USP32: variants seen among roughly 807,000 people sequenced by gnomAD.
USP32 encodes ubiquitin carboxyl-terminal hydrolase 32.
USP32 carries 59 observed loss-of-function variants against 204.8 expected under a neutral mutation model. The observed-to-expected ratio is 0.29, with a 90% CI of 0.23 to 0.36. The LOEUF is 0.36. USP32 is among the 10% of genes least tolerant of loss of function. USP32 has a pLI of 1.00. For missense variants in USP32, 1,160 were observed against 1,946.4 expected, an observed-to-expected ratio of 0.60 and a Z score of 7.60; for synonymous variants, 517 against 678.4, an observed-to-expected ratio of 0.76 and a Z score of 3.70.
intron 29 of USP32, among the ~76,000 whole-genome samples, chr17:60,187,881 T>C (rs1321635914): frequency 6.6e-6 from 1 of 152,230 alleles, no homozygotes; most frequent in African/African-American, 2.4e-5. Context: ...AGCTCATCTT[T>C]AACACAAAAC....
At chr17:60,399,730 A>G (rs1173670206) in intron 1 of USP32, among the ~76,000 whole-genome samples, 4 of 152,150 alleles carry the variant, frequency 2.6e-5, no homozygotes, top group Admixed American at 6.6e-5. Flanking sequence ...AGAAGCAAAA[A>G]GGGTGATATT....
At chr17:60,393,037 T>A (rs2089867185), upstream of USP32, among the ~76,000 whole-genome samples, 1 of 152,198 alleles carries the variant, frequency 6.6e-6, no homozygotes, top group African/African-American at 2.4e-5. Context: ...ACATTGATAT[T>A]GTTTTGCATC....
intron 5 of USP32, among the ~76,000 whole-genome samples, chr17:60,278,645 C>T (rs894431637): frequency 3.3e-5 from 5 of 151,658 alleles, no homozygotes; most frequent in African/African-American, 1.2e-4. Flanking sequence ...TACCATGGAC[C>T]CAAGATAAAA....
chr17:60,405,250 T>G (rs999219576), intron 1 of USP32, among the ~76,000 whole-genome samples: 1 of 152,172 alleles, frequency 6.6e-6, no homozygotes, highest in Non-Finnish European at 1.5e-5. Context: ...TCACCCAGGC[T>G]GGAGTGCAGT....
chr17:60,305,344 G>A (rs987511613), intron 2 of USP32: 1 of 152,128 alleles, frequency 6.6e-6, no homozygotes, highest in Non-Finnish European at 1.5e-5. Flanking sequence ...GGAAGTACCA[G>A]GCTCCTTTAA....
At chr17:60,390,174 C>T (rs996734441) in intron 1 of USP32, among the ~76,000 whole-genome samples, 3 of 152,158 alleles carry the variant, frequency 2.0e-5, no homozygotes, top group Non-Finnish European at 2.9e-5. Flanking sequence ...ATGCAATTAA[C>T]TTCATTTGTA....
Position 60,306,578 on chromosome 17 carries a change from C to T in USP32, c.187-4874G>A, listed in dbSNP as rs981830446. Among the ~76,000 whole-genome samples the T allele has an allele frequency of 2.0e-5, 3 of 151,728 alleles. No homozygotes were observed. The South Asian group carries it at 6.2e-4, about 32-fold the overall frequency. Reference sequence around the variant, plus strand: ...ACTTGAACCCGGAAGGCAGAGGTTACAATGAGCCAAGATTGCACCACTGCA... The same window carrying T: ...ACTTGAACCCGGAAGGCAGAGGTTATAATGAGCCAAGATTGCACCACTGCA... On this transcript the variant is annotated intron_variant, in intron 2 of 33. Coordinates refer to ENST00000300896, the MANE Select transcript of USP32 (RefSeq NM_032582.4).
Position 60,336,454 on chromosome 17 carries a change from G to A in USP32, c.186+9027C>T, listed in dbSNP as rs565293774. ...GAATTGGCCGGGCGCGGTGGCTCACGCCTGTAATCCCAGCACTTTGGGAGG... is the reference window on the plus strand; with the variant it reads ...GAATTGGCCGGGCGCGGTGGCTCACACCTGTAATCCCAGCACTTTGGGAGG... On this transcript the variant is annotated intron_variant, in intron 2 of 33. Transcript: ENST00000300896. Among the ~76,000 whole-genome samples the A allele has an allele frequency of 6.0e-4, 85 of 142,716 alleles. 10 individuals carry two copies. Among genetic ancestry groups the A allele is most frequent in the Admixed American group, 5.7e-3 (84 of 14,708 alleles). 93.6% of individuals were successfully genotyped at this position (142,716 alleles called of 152,430 possible). A position where few individuals can be genotyped will look rare whatever the true frequency, so the allele number is the denominator to read the frequency against.
At chr17:60,299,926 G>A (rs974500654) in intron 3 of USP32, among the ~76,000 whole-genome samples, 19 of 151,974 alleles carry the variant, frequency 1.3e-4, no homozygotes, top group Admixed American at 6.6e-5. Flanking sequence ...GGTCTCTCTG[G>A]GGCCTCTTTT....
chr17:60,405,116 G>A (rs113881007), intron 1 of USP32, among the ~76,000 whole-genome samples: 337 of 152,278 alleles, frequency 2.2e-3, no homozygotes, highest in African/African-American at 6.7e-3. Flanking sequence ...AGTGACCCAC[G>A]ATCATGCCAC....
intron 8 of USP32, 69 bp from the exon 9 acceptor site, chr17:60,265,543 T>TTA: frequency 9.8e-7 from 1 of 1,023,128 alleles, no homozygotes; most frequent in Non-Finnish European, 1.5e-6. Flanking sequence ...ATTCAATGGC[T>TTA]AAAGTATATT....
At chr17:60,374,403 T>TG (rs1374422911) in intron 1 of USP32, among the ~76,000 whole-genome samples, 1 of 151,752 alleles carries the variant, frequency 6.6e-6, no homozygotes, top group Admixed American at 6.6e-5. Context: ...AGTTTTGTTT[T>TG]TTTTTTTTTG....
intron 4 of USP32, among the ~76,000 whole-genome samples, chr17:60,291,539 G>GTGTA: frequency 1.3e-5 from 1 of 78,144 alleles, no homozygotes; most frequent in Non-Finnish European, 2.3e-5. Flanking sequence ...GTGTGTGTAT[G>GTGTA]TGTGTGTGTG....
intron 2 of USP32, among the ~76,000 whole-genome samples, chr17:60,321,753 TA>T (rs2145941911): frequency 1.3e-5 from 2 of 152,326 alleles, no homozygotes; most frequent in South Asian, 2.1e-4. Flanking sequence ...GCCACTTCCC[TA>T]AATCTATCAA....
intron 1 of USP32, among the ~76,000 whole-genome samples, chr17:60,389,009 T>G (rs2089782249): frequency 6.6e-6 from 1 of 152,224 alleles, no homozygotes. Context: ...TACCTGTGTC[T>G]AGGCATTATT....
At chr17:60,386,524 T>C (rs1052108485) in intron 1 of USP32, among the ~76,000 whole-genome samples, 1 of 152,206 alleles carries the variant, frequency 6.6e-6, no homozygotes, top group Non-Finnish European at 1.5e-5. Context: ...GATCCAAGCA[T>C]GTAATCCAGT....
chr17:60,322,621 A>G (rs964001917), intron 2 of USP32, among the ~76,000 whole-genome samples: 3 of 152,206 alleles, frequency 2.0e-5, no homozygotes, highest in African/African-American at 7.2e-5. Context: ...TAACTGACTC[A>G]GGGTTCAAAA....
upstream of USP32, among the ~76,000 whole-genome samples, chr17:60,393,036 T>C (rs139898713): frequency 2.2e-3 from 329 of 152,282 alleles, 3 homozygotes; most frequent in South Asian, 7.7e-3. Context: ...AACATTGATA[T>C]TGTTTTGCAT....
At chr17:60,370,230 A>T (rs2089410446) in intron 1 of USP32, among the ~76,000 whole-genome samples, 1 of 152,116 alleles carries the variant, frequency 6.6e-6, no homozygotes, top group African/African-American at 2.4e-5. Context: ...ATGTTTAAAC[A>T]AACACATCTT....
Sources: gnomAD v4.1 joint callset for allele counts (sites outside exome capture counted in the v4.1 genomes callset) on GRCh38, gnomAD v4.1.1 for gene constraint, MANE v1.5 for transcripts, NCBI Gene and HGNC (gene_info 2026-07-23, HGNC 2026-07-21) for gene names.